FCN1: variants seen among roughly 807,000 people sequenced by gnomAD.
The protein encoded by FCN1 is ficolin 1, also known as ficolin-1.
A neutral mutation model predicts 35.6 loss-of-function variants in FCN1; 42 were observed. The ratio of observed to expected loss-of-function variants is 1.18; its 90% CI spans 0.92 to 1.53. The LOEUF is 1.53. Among genes scored for constraint, FCN1 ranks in the 40% most tolerant of loss-of-function variants. The pLI, the probability that FCN1 is intolerant of heterozygous loss-of-function variation, is 0.00. For missense variants in FCN1, 439 were observed against 428.4 expected, an observed-to-expected ratio of 1.02 and a Z score of -0.22; for synonymous variants, 179 against 169.8, an observed-to-expected ratio of 1.05 and a Z score of -0.42.
chr9:134,913,995 C>G (rs917152842), intron 4 of FCN1, among the ~76,000 whole-genome samples: 1 of 152,224 alleles, frequency 6.6e-6, no homozygotes, highest in Non-Finnish European at 1.5e-5. Context: ...ACTCAGGTAT[C>G]GGCGGACCCT....
rs781674007 is a variant in FCN1 at position 134,913,162 on chromosome 9, G to C, written c.341-19C>G. On this transcript the variant is annotated intron_variant, in intron 5 of 8. Transcript: ENST00000371806. ...CGTGGGCCTGGGAAGGGAACCCGGG[G>C]AATGGCTGCAGGACGGGGGCCCTGG... 1.9e-6 allele frequency: 3 copies of C among 1,613,316 alleles called. No homozygotes were observed. In the South Asian group the frequency reaches 3.3e-5, roughly 18 times the overall value.
intron 7 of FCN1, among the ~76,000 whole-genome samples, chr9:134,911,597 C>T (rs570450610): frequency 4.6e-5 from 7 of 151,838 alleles, no homozygotes; most frequent in African/African-American, 1.7e-4. Context: ...CATGATCCAC[C>T]AGCCTCAGCC....
intron 3 of FCN1, among the ~76,000 whole-genome samples, 160 bp from the exon 4 acceptor site, chr9:134,914,580 C>T (rs56163380): frequency 0.039 from 5,993 of 152,150 alleles, 388 homozygotes; most frequent in African/African-American, 0.13. Flanking sequence ...GGAGGGGCCC[C>T]GAGGCCTGGA....
At chr9:134,917,009 A>C (rs947746259) in intron 1 of FCN1, among the ~76,000 whole-genome samples, 2 of 152,176 alleles carry the variant, frequency 1.3e-5, no homozygotes, top group Non-Finnish European at 2.9e-5. Context: ...GCCAAACCAA[A>C]GTTGTTTACT....
chr9:134,911,584 C>A (rs1831024561), intron 7 of FCN1, among the ~76,000 whole-genome samples: 1 of 151,442 alleles, frequency 6.6e-6, no homozygotes, highest in South Asian at 2.1e-4. Flanking sequence ...GATCTCTTCA[C>A]CTCATGATCC....
chr9:134,909,210 C>T lies in FCN1; in HGVS notation c.*588G>A. On this transcript the variant is annotated 3_prime_UTR_variant, in exon 9 of 9. Coordinates refer to ENST00000371806, the MANE Select transcript of FCN1 (RefSeq NM_002003.5). Reference sequence around the variant, plus strand: ...TAAGTGTTTATCTCTTCCCAGCAGCCAGCCAGCCCAAAGCATGAACTCTGC... The same window carrying T: ...TAAGTGTTTATCTCTTCCCAGCAGCTAGCCAGCCCAAAGCATGAACTCTGC... 2 of 1,289,726 alleles carry T rather than the reference C, an allele frequency of 1.6e-6. No homozygotes were observed. The highest frequency in any genetic ancestry group is 2.0e-6 in the Non-Finnish European group (2 of 988,826). The allele number at this position is 1,289,726 out of a possible 1,614,324, so 79.9% of individuals were successfully genotyped here.
At position 134,907,048 on chromosome 9, in the gene FCN1, G is replaced by T. The variant is rs945124116; in HGVS notation, c.*2750C>A. On this transcript the variant is annotated 3_prime_UTR_variant, in exon 9 of 9. Coordinates refer to ENST00000371806, the MANE Select transcript of FCN1 (RefSeq NM_002003.5). ...GATCACGCCACTGCACTCCAGCCTG[G>T]GTGGCAGAGTAAAACTCTGTCTCAA... is the stretch of plus-strand genomic sequence containing the variant. The T allele has an allele frequency of 6.6e-6, 1 of 152,090 alleles. No individual in the cohort carries two copies. The highest frequency in any genetic ancestry group is 1.5e-5 in the Non-Finnish European group (1 of 68,012). 9.4% of individuals were successfully genotyped at this position (152,090 alleles called of 1,614,324 possible).
intron 1 of FCN1, 33 bp from the exon 2 acceptor site, chr9:134,916,494 T>C: frequency 6.3e-7 from 1 of 1,595,952 alleles, no homozygotes; most frequent in Non-Finnish European, 8.6e-7. Context: ...ACTCAGTGCC[T>C]GGCCCAACAG....
At chr9:134,916,291 A>G in intron 2 of FCN1, 57 bp downstream of exon 2, 2 of 1,321,372 alleles carry the variant, frequency 1.5e-6, no homozygotes, top group South Asian at 2.3e-5. Context: ...CAGTTTCATA[A>G]AGAGCAAGAG....
rs1347482719 is a variant in FCN1, at chr9:134,903,916, G to A, written c.*5882C>T. Among the ~76,000 whole-genome samples the A allele has an allele frequency of 6.6e-6, 1 of 152,184 alleles. No homozygotes were observed. Among genetic ancestry groups the A allele is most frequent in the Non-Finnish European group, 1.5e-5 (1 of 68,028 alleles). On this transcript the variant is annotated 3_prime_UTR_variant, in exon 9 of 9. Transcript: ENST00000371806. ...TCTATTTATAAGCAAATTAGATACA[G>A]TGAAAAGCATTATTAGTGAACTGGA... is the stretch of plus-strand genomic sequence containing the variant.
rs1830910804 is a variant in FCN1 at position 134,903,676 on chromosome 9, C to T, written c.*6122G>A. On this transcript the variant is annotated 3_prime_UTR_variant, in exon 9 of 9. Transcript: ENST00000371806. ...ATTCAATCAAAACCCTCCAAGTGTG[C>T]CAAAAAACTAAGATTAAAAAGAAAC... Among the ~76,000 whole-genome samples the T allele has an allele frequency of 6.6e-6, 1 of 151,772 alleles. No individual in the cohort carries two copies. The highest frequency in any genetic ancestry group is 6.6e-5 in the Admixed American group (1 of 15,242).
At chr9:134,914,115 G>A (rs568268128) in intron 4 of FCN1, among the ~76,000 whole-genome samples, 20 of 152,202 alleles carry the variant, frequency 1.3e-4, no homozygotes, top group Non-Finnish European at 2.4e-4. Flanking sequence ...GCATAAATGA[G>A]CATAAGTAAG....
At chr9:134,917,721 G>C (rs776902266) in intron 1 of FCN1, 48 bp downstream of exon 1, 1 of 1,226,216 alleles carries the variant, frequency 8.2e-7, no homozygotes, top group Non-Finnish European at 1.2e-6. Context: ...GTCAGTGAGT[G>C]GGGTTGTTAC....
At chr9:134,914,245 G>A (rs1472258620) in intron 4 of FCN1, 140 bp downstream of exon 4, 15 of 791,454 alleles carry the variant, frequency 1.9e-5, no homozygotes, top group Admixed American at 5.4e-5. Context: ...AACAAAGCCC[G>A]CTGGACTCCT....
At chr9:134,917,183 A>G (rs1831102575) in intron 1 of FCN1, among the ~76,000 whole-genome samples, 1 of 152,178 alleles carries the variant, frequency 6.6e-6, no homozygotes, top group Admixed American at 6.5e-5. Context: ...CCACTAGAGC[A>G]GGCTGTAATT....
chr9:134,910,096 T>C, intron 8 of FCN1, 51 bp from the exon 9 acceptor site: 3 of 1,521,942 alleles, frequency 2.0e-6, no homozygotes, highest in Non-Finnish European at 2.7e-6. Flanking sequence ...GCCCTGCCAC[T>C]GTGAGACCCT....
At chr9:134,917,105 G>C (rs1831101554) in intron 1 of FCN1, among the ~76,000 whole-genome samples, 5 of 152,252 alleles carry the variant, frequency 3.3e-5, no homozygotes, top group Admixed American at 3.3e-4. Context: ...GAACGGAGCA[G>C]TGCTCTCACC....
chr9:134,904,166 C>A lies in FCN1; in HGVS notation c.*5632G>T, dbSNP rs1215099602. 6.6e-6 allele frequency among the ~76,000 whole-genome samples: 1 copy of A among 152,078 alleles called. No homozygotes were observed. The highest frequency in any genetic ancestry group is 1.5e-5 in the Non-Finnish European group (1 of 68,012). On this transcript the variant is annotated 3_prime_UTR_variant, in exon 9 of 9. Coordinates refer to ENST00000371806, the MANE Select transcript of FCN1 (RefSeq NM_002003.5). ...CATCAAGTCACAGATTCTATGAACC[C>A]CAAGCAAGACAAATTCAGAGAAAGT...
At position 134,906,112 on chromosome 9, in the gene FCN1, T is replaced by G. The variant is rs1830955563; in HGVS notation, c.*3686A>C. On this transcript the variant is annotated 3_prime_UTR_variant, in exon 9 of 9. Transcript: ENST00000371806. Reference sequence around the variant, plus strand: ...GATCAAGCGATTTCTGGCGGAGTTTTGTATTTTTAGTAGAGAGGAGGTTTC... The same window carrying G: ...GATCAAGCGATTTCTGGCGGAGTTTGGTATTTTTAGTAGAGAGGAGGTTTC... 6.5e-6 allele frequency: 1 copy of G among 153,152 alleles called. No homozygotes were observed. Among genetic ancestry groups the G allele is most frequent in the Non-Finnish European group, 1.4e-5 (1 of 69,238 alleles). The allele number at this position is 153,152 out of a possible 1,614,324, so 9.5% of individuals were successfully genotyped here.
Sources: allele counts gnomAD v4.1 joint callset (sites outside exome capture counted in the v4.1 genomes callset), GRCh38; gene constraint gnomAD v4.1.1; transcripts MANE v1.5; gene names NCBI Gene and HGNC (gene_info 2026-07-23, HGNC 2026-07-21).